The following NPR3 variants were observed in gnomAD, a reference collection of about 807,000 sequenced individuals.
NPR3 encodes the protein natriuretic peptide receptor 3, also known as atrial natriuretic peptide receptor 3.
A neutral mutation model predicts 54.5 loss-of-function variants in NPR3; 34 were observed. That is an observed-to-expected ratio of 0.62 (90% CI 0.47 to 0.83). The LOEUF (loss-of-function observed/expected upper bound fraction) is 0.83. Among genes scored for constraint, NPR3 ranks in the 40% least tolerant of loss-of-function variants. The probability of loss-of-function intolerance (pLI) is 0.00; values close to 1 mark genes in which losing one functional copy is unlikely to be tolerated. For synonymous variants in NPR3, 289 were observed against 297.1 expected, an observed-to-expected ratio of 0.97 and a Z score of 0.28; for missense variants, 674 against 720.8, an observed-to-expected ratio of 0.94 and a Z score of 0.74.
In NPR3 at chr5:32,735,086, G is replaced by A. The variant is rs1204903780; in HGVS notation, c.893-3778G>A. ...AGCCCCTGGTTTCTAATTTGGAGCC[G>A]TGTGGAAATGACACCCAGCACGGTC... On this transcript the variant is annotated intron_variant, in intron 2 of 7. Transcript: ENST00000265074. 5.3e-5 allele frequency among the ~76,000 whole-genome samples: 8 copies of A among 152,270 alleles called. No individual in the cohort carries two copies. In the East Asian group the frequency reaches 7.7e-4, roughly 15 times the overall value.
At chr5:32,725,832 G>C (rs57983902) in intron 2 of NPR3, among the ~76,000 whole-genome samples, 1,534 of 152,280 alleles carry the variant, frequency 0.01, 28 homozygotes, top group African/African-American at 0.036. Context: ...GAAAGCCACT[G>C]CTCCCAGTCC....
Position 32,713,119 on chromosome 5 carries a change from C to T in NPR3, c.769+574C>T, listed in dbSNP as rs981788091. 1.3e-5 allele frequency: 12 copies of T among 959,342 alleles called. No homozygotes were observed. The African/African-American group carries it at 1.9e-4, about 16-fold the overall frequency. The allele number at this position is 959,342 out of a possible 1,614,324, so 59.4% of individuals were successfully genotyped here. A position where few individuals can be genotyped will look rare whatever the true frequency, so the allele number is the denominator to read the frequency against. Reference sequence around the variant, plus strand: ...TCTTCTCATTCCTTTCATTTCCCTTCCAGCCCCTTATAAACGAGCTTCTGT... The same window carrying T: ...TCTTCTCATTCCTTTCATTTCCCTTTCAGCCCCTTATAAACGAGCTTCTGT... On this transcript the variant is annotated intron_variant, in intron 1 of 7. Transcript: ENST00000265074.
chr5:32,767,328 C>T (rs1259400239), intron 3 of NPR3, among the ~76,000 whole-genome samples: 1 of 152,194 alleles, frequency 6.6e-6, no homozygotes, highest in African/African-American at 2.4e-5. Context: ...ATCTCTTTTT[C>T]CTGTTCGGAG....
chr5:32,747,633 C>A (rs1740368391), intron 3 of NPR3, among the ~76,000 whole-genome samples: 1 of 152,060 alleles, frequency 6.6e-6, no homozygotes, highest in South Asian at 2.1e-4. Flanking sequence ...TAATCTAGAG[C>A]AATTTATTTC....
intron 3 of NPR3, among the ~76,000 whole-genome samples, chr5:32,759,153 T>A (rs1355070135): frequency 3.3e-5 from 5 of 152,202 alleles, no homozygotes; most frequent in African/African-American, 1.2e-4. Context: ...AAGTCCTGGA[T>A]ATCCTTGTTA....
chr5:32,731,659 T>C (rs1390244557), intron 2 of NPR3, among the ~76,000 whole-genome samples: 1 of 152,208 alleles, frequency 6.6e-6, no homozygotes, highest in Non-Finnish European at 1.5e-5. Flanking sequence ...GTTTATACAT[T>C]TTTTCTGTGG....
At chr5:32,764,450 C>T (rs1018647321) in intron 3 of NPR3, among the ~76,000 whole-genome samples, 6 of 151,930 alleles carry the variant, frequency 3.9e-5, no homozygotes, top group East Asian at 1.9e-4. Context: ...TGCTAGCTAC[C>T]GTCTGCATTT....
At chr5:32,710,680 G>A (rs572035979), upstream of NPR3, 899 of 1,540,660 alleles carry the variant, frequency 5.8e-4, 12 homozygotes, top group South Asian at 0.01. Context: ...CATCTGCACT[G>A]GGACCTTGGT....
chr5:32,711,131 G>A (rs1465542815), upstream of NPR3, among the ~76,000 whole-genome samples: 5 of 152,106 alleles, frequency 3.3e-5, no homozygotes, highest in Non-Finnish European at 7.4e-5. Context: ...GCGATGGGTA[G>A]TGAAGGGGTG....
chr5:32,742,162 A>G (rs193297753), intron 3 of NPR3, among the ~76,000 whole-genome samples: 60 of 152,156 alleles, frequency 3.9e-4, no homozygotes, highest in African/African-American at 1.3e-3. Context: ...GATGCCCATC[A>G]TGAGCTCTTC....
At chr5:32,707,781 G>A (rs1172277463), upstream of NPR3, among the ~76,000 whole-genome samples, 1 of 152,262 alleles carries the variant, frequency 6.6e-6, no homozygotes, top group Admixed American at 6.5e-5. Flanking sequence ...GACTGTTACA[G>A]TTGGTGGTGG....
chr5:32,738,776 A>T, intron 2 of NPR3, 88 bp from the exon 3 acceptor site: 1 of 1,188,702 alleles, frequency 8.4e-7, no homozygotes, highest in South Asian at 1.4e-5. Context: ...CAAAAGTAAC[A>T]TGCGGGGGCG....
intron 1 of NPR3, among the ~76,000 whole-genome samples, chr5:32,724,290 G>T (rs1739022373): frequency 6.6e-6 from 1 of 152,246 alleles, no homozygotes; most frequent in African/African-American, 2.4e-5. Flanking sequence ...TTTAAGCCTT[G>T]TTCAGTCTAG....
chr5:32,772,507 G>T (rs1741822016), intron 3 of NPR3, among the ~76,000 whole-genome samples: 1 of 152,196 alleles, frequency 6.6e-6, no homozygotes, highest in Admixed American at 6.5e-5. Flanking sequence ...TACTGGGATG[G>T]AATTAAGAGC....
At chr5:32,734,034 A>G (rs1833529) in intron 2 of NPR3, among the ~76,000 whole-genome samples, 20,641 of 152,198 alleles carry the variant, frequency 0.14, 1,485 homozygotes, top group East Asian at 0.23. Flanking sequence ...AATCTTTTTC[A>G]AAGAGTTGTT....
intron 2 of NPR3, among the ~76,000 whole-genome samples, chr5:32,731,211 T>A (rs1259373001): frequency 1.3e-5 from 2 of 152,242 alleles, no homozygotes; most frequent in Non-Finnish European, 2.9e-5. Context: ...TTTCTGCTTC[T>A]TGAAAATTCT....
chr5:32,694,133 C>T (rs1740467967), intron 1 of NPR3, among the ~76,000 whole-genome samples: 1 of 152,150 alleles, frequency 6.6e-6, no homozygotes, highest in South Asian at 2.1e-4. Flanking sequence ...CTCTTTGTCC[C>T]ATTATGTAAG....
At chr5:32,728,831 GTGTGTGTATATATATATATATATATA>G (rs1242277993) in intron 2 of NPR3, among the ~76,000 whole-genome samples, 906 of 63,980 alleles carry the variant, frequency 0.014, 25 homozygotes, top group African/African-American at 0.029. Context: ...GTGTGTGTGT[GTGTGTGTATATATATATATATATATA>G]TATATATATA....
At chr5:32,771,570 C>T (rs747123202) in intron 3 of NPR3, among the ~76,000 whole-genome samples, 4 of 152,114 alleles carry the variant, frequency 2.6e-5, no homozygotes, top group African/African-American at 4.8e-5. Flanking sequence ...GGATATGGTG[C>T]TGGGGCACAC....
Sources: gnomAD v4.1 joint callset for allele counts (sites outside exome capture counted in the v4.1 genomes callset) on GRCh38, gnomAD v4.1.1 for gene constraint, MANE v1.5 for transcripts, NCBI Gene and HGNC (gene_info 2026-07-23, HGNC 2026-07-21) for gene names.